Variants in AMACR observed in about 807,000 individuals in gnomAD.
AMACR encodes the protein alpha-methylacyl-CoA racemase, also known as 2-methylacyl-CoA racemase.
A neutral mutation model predicts 22.2 loss-of-function variants in AMACR; 18 were observed. The ratio of observed to expected loss-of-function variants is 0.81; its 90% CI spans 0.56 to 1.20. AMACR has a LOEUF of 1.20. AMACR is among the 50% of genes most tolerant of loss of function. The pLI is 0.00. For synonymous variants in AMACR, 213 were observed against 191.3 expected, an observed-to-expected ratio of 1.11 and a Z score of -0.94; for missense variants, 499 against 490.6, an observed-to-expected ratio of 1.02 and a Z score of -0.16.
intron 4 of AMACR, among the ~76,000 whole-genome samples, chr5:33,993,730 C>T (rs1256002456): frequency 1.3e-5 from 2 of 151,958 alleles, no homozygotes; most frequent in African/African-American, 2.4e-5. Context: ...GAAACTCCGT[C>T]TCTACTAAAA....
At chr5:33,993,696 C>T (rs200148692) in intron 4 of AMACR, among the ~76,000 whole-genome samples, 24 of 152,118 alleles carry the variant, frequency 1.6e-4, no homozygotes, top group Middle Eastern at 3.4e-3. Flanking sequence ...GTCAGGAGTT[C>T]GAGACCAGCC....
chr5:33,990,438 C>A (rs1196100952), intron 4 of AMACR, among the ~76,000 whole-genome samples: 1 of 152,180 alleles, frequency 6.6e-6, no homozygotes, highest in East Asian at 1.9e-4. Context: ...TAGCTCTTGA[C>A]CCCATCTGCG....
At chr5:33,996,377 T>A (rs552583193) in intron 4 of AMACR, among the ~76,000 whole-genome samples, 2 of 152,288 alleles carry the variant, frequency 1.3e-5, no homozygotes, top group South Asian at 4.1e-4. Context: ...TATGAATGCC[T>A]GGGAGAGATC....
At chr5:34,000,343 G>C (rs1753779278) in intron 3 of AMACR, among the ~76,000 whole-genome samples, 1 of 152,234 alleles carries the variant, frequency 6.6e-6, no homozygotes, top group Admixed American at 6.5e-5. Context: ...TTAGCAGAGA[G>C]TTCTGAATAC....
intron 2 of AMACR, among the ~76,000 whole-genome samples, chr5:34,005,514 G>A (rs936937326): frequency 6.6e-5 from 10 of 152,310 alleles, no homozygotes; most frequent in Admixed American, 2.6e-4. Context: ...CTCAACAAAT[G>A]TAGTAAATAA....
intron 4 of AMACR, among the ~76,000 whole-genome samples, chr5:33,996,154 T>C (rs974629716): frequency 6.6e-6 from 1 of 150,970 alleles, no homozygotes; most frequent in African/African-American, 2.4e-5. Flanking sequence ...TAGCCCTAAA[T>C]TGTTGATTTA....
chr5:33,997,252 T>C (rs1753667928), intron 4 of AMACR: 1 of 771,018 alleles, frequency 1.3e-6, no homozygotes. Context: ...ATCCTTTCTT[T>C]ATTGGTCCGG....
intron 3 of AMACR, among the ~76,000 whole-genome samples, chr5:34,002,754 G>T (rs576410498): frequency 3.9e-5 from 6 of 152,298 alleles, no homozygotes; most frequent in African/African-American, 1.4e-4. Flanking sequence ...ATCCGGTGCT[G>T]CTATCTCATG....
chr5:33,998,493 C>A, intron 4 of AMACR, 148 bp downstream of exon 4: 1 of 717,246 alleles, frequency 1.4e-6, no homozygotes, highest in Non-Finnish European at 2.2e-6. Flanking sequence ...ATGGAAAATG[C>A]CCCACATTAT....
At chr5:34,004,055 G>A (rs1345909822) in intron 3 of AMACR, among the ~76,000 whole-genome samples, 1 of 152,230 alleles carries the variant, frequency 6.6e-6, no homozygotes, top group Non-Finnish European at 1.5e-5. Flanking sequence ...AGCACTCAGT[G>A]GATGACAGTG....
intron 3 of AMACR, among the ~76,000 whole-genome samples, chr5:34,001,836 C>A (rs1753827543): frequency 6.6e-6 from 1 of 152,130 alleles, no homozygotes; most frequent in South Asian, 2.1e-4. Context: ...TCTGCAATTG[C>A]CTGTGTCACA....
At position 33,989,145 on chromosome 5, in the gene AMACR, T is replaced by C. The variant is rs773780297; in HGVS notation, c.1097A>G (p.Gln366Arg). ...TTCAATGATTTTATCTGAGTTAAGC[T>C]GATAAATCTCTTCGCGGCTGAATCC... ...EFGFSREEIY[Q>R]LNSDKIIESN... Residue 366 changes from glutamine to arginine, a missense_variant, in exon 5 of 5, where the codon CAG (glutamine) becomes CGG (arginine). Gln to Arg is a conservative substitution (Grantham distance 43, BLOSUM62 1). Coordinates refer to ENST00000335606, the MANE Select transcript of AMACR (RefSeq NM_014324.6). 5.0e-6 allele frequency: 8 copies of C among 1,614,198 alleles called. No homozygotes were observed. The highest frequency in any genetic ancestry group is 6.8e-6 in the Non-Finnish European group (8 of 1,179,994).
intron 4 of AMACR, among the ~76,000 whole-genome samples, chr5:33,992,477 GC>G (rs1753512935): frequency 6.6e-6 from 1 of 151,976 alleles, no homozygotes; most frequent in African/African-American, 2.4e-5. Flanking sequence ...GAAGGCTGAG[GC>G]AGGAGGATCA....
At position 33,998,761 on chromosome 5, in the gene AMACR, G is replaced by A. The variant is rs776423865; in HGVS notation, c.619C>T (p.Pro207Ser). ...KTQKLSLWEA[P>S]RGQNMLDGGA... ...CCATCCAACATGTTCTGTCCTCGAGGTGCTTCCCACAGACTCAATTTCTGA... is the reference window on the plus strand; with the variant it reads ...CCATCCAACATGTTCTGTCCTCGAGATGCTTCCCACAGACTCAATTTCTGA... The change falls in exon 4 of 5, where the codon CCT (proline) becomes TCT (serine). Residue 207 changes from proline to serine, a missense_variant. Transcript: ENST00000335606. 1 of 1,614,048 alleles carries A rather than the reference G, an allele frequency of 6.2e-7. No homozygotes were observed. Among genetic ancestry groups the A allele is most frequent in the African/African-American group, 1.3e-5 (1 of 75,014 alleles).
At chr5:33,993,669 G>T (rs1753549812) in intron 4 of AMACR, among the ~76,000 whole-genome samples, 1 of 152,066 alleles carries the variant, frequency 6.6e-6, no homozygotes. Context: ...AGGCTAAGTG[G>T]GGGCAGATCA....
intron 1 of AMACR, among the ~76,000 whole-genome samples, chr5:34,007,309 A>G (rs1754010739): frequency 6.6e-6 from 1 of 152,184 alleles, no homozygotes; most frequent in Non-Finnish European, 1.5e-5. Flanking sequence ...GAGACTTAGA[A>G]CGCCAGCATT....
intron 3 of AMACR, among the ~76,000 whole-genome samples, chr5:34,002,491 C>T (rs1579582240): frequency 6.6e-6 from 1 of 152,298 alleles, no homozygotes; most frequent in African/African-American, 2.4e-5. Flanking sequence ...TTAGTTCATT[C>T]CTTTTGGACC....
intron 3 of AMACR, among the ~76,000 whole-genome samples, chr5:34,003,759 T>C (rs1309609523): frequency 1.3e-5 from 2 of 152,246 alleles, no homozygotes; most frequent in Non-Finnish European, 2.9e-5. Flanking sequence ...TACCATTAAC[T>C]GCTTTAGTAC....
At chr5:33,995,211 T>C (rs754355888) in intron 4 of AMACR, among the ~76,000 whole-genome samples, 16 of 152,210 alleles carry the variant, frequency 1.1e-4, no homozygotes, top group Non-Finnish European at 1.8e-4. Context: ...GGTTGTCAGG[T>C]TGACTGCTGC....
Sources: gnomAD v4.1 joint callset for allele counts (sites outside exome capture counted in the v4.1 genomes callset) on GRCh38, gnomAD v4.1.1 for gene constraint, MANE v1.5 for transcripts, NCBI Gene and HGNC (gene_info 2026-07-23, HGNC 2026-07-21) for gene names.